RALYL: variants seen among roughly 807,000 people sequenced by gnomAD.
The protein encoded by RALYL is RALY RNA binding protein like, also known as RNA-binding Raly-like protein.
Under a neutral mutation model 35.1 loss-of-function variants are expected in RALYL, and 29 were observed. The ratio of observed to expected loss-of-function variants is 0.83; its 90% CI spans 0.61 to 1.13. RALYL has a LOEUF of 1.13. Ranked by LOEUF, RALYL falls within the 50% of genes most tolerant of loss-of-function variation. RALYL has a pLI of 0.00. For synonymous variants in RALYL, 120 were observed against 127.6 expected (o/e 0.94, Z 0.40); for missense variants, 359 against 360.4 (o/e 1.00, Z 0.03).
intron 4 of RALYL, among the ~76,000 whole-genome samples, chr8:84,845,330 T>C (rs1423564598): frequency 6.6e-6 from 1 of 152,236 alleles, no homozygotes; most frequent in African/African-American, 2.4e-5. Flanking sequence ...TCCCTTTTCT[T>C]TGCATCCTCT....
At chr8:84,523,143 T>G (rs1401211254) in intron 1 of RALYL, among the ~76,000 whole-genome samples, 1 of 152,044 alleles carries the variant, frequency 6.6e-6, no homozygotes, top group African/African-American at 2.4e-5. Flanking sequence ...GAGACTGGAA[T>G]TGATAAAGGA....
At chr8:84,665,896 T>A (rs2131728573) in intron 2 of RALYL, 1 of 152,194 alleles carries the variant, frequency 6.6e-6, no homozygotes, top group Non-Finnish European at 1.5e-5. Flanking sequence ...CCATCTAAAC[T>A]ATTTTTCATC....
At position 84,862,281 on chromosome 8, in the gene RALYL, T is replaced by C. The variant is rs529000481; in HGVS notation, c.414-15T>C. ...GCATCAAACCAACTCTCAGTCCCAT[T>C]TGTGTTTTGTAAAGGTTATTTGATT... On this transcript the variant is annotated splice_polypyrimidine_tract_variant and intron_variant, in intron 5 of 8. Coordinates refer to ENST00000521268, the MANE Select transcript of RALYL (RefSeq NM_173848.7). 4.8e-5 allele frequency: 71 copies of C among 1,492,658 alleles called. 6 individuals carry two copies. In the South Asian group the frequency reaches 9.0e-4, roughly 19 times the overall value. The allele number at this position is 1,492,658 out of a possible 1,614,324, so 92.5% of individuals were successfully genotyped here. A position where few individuals can be genotyped will look rare whatever the true frequency, so the allele number is the denominator to read the frequency against.
intron 1 of RALYL, among the ~76,000 whole-genome samples, chr8:84,475,293 C>T (rs1191629746): frequency 6.6e-6 from 1 of 151,986 alleles, no homozygotes; most frequent in Non-Finnish European, 1.5e-5. Flanking sequence ...GCTCACTGCA[C>T]CTTTGACTTC....
intron 1 of RALYL, among the ~76,000 whole-genome samples, chr8:84,187,792 A>C (rs1234001566): frequency 6.6e-6 from 1 of 152,134 alleles, no homozygotes; most frequent in African/African-American, 2.4e-5. Context: ...AAGAGCCAGT[A>C]GTAAGTATAT....
chr8:84,228,645 T>C (rs1824555625), intron 1 of RALYL, among the ~76,000 whole-genome samples: 1 of 152,212 alleles, frequency 6.6e-6, no homozygotes, highest in Admixed American at 6.5e-5. Flanking sequence ...ATGCACACTC[T>C]GTATTGGTCT....
intron 2 of RALYL, among the ~76,000 whole-genome samples, chr8:84,585,955 G>C (rs1811897724): frequency 1.3e-5 from 2 of 152,086 alleles, no homozygotes; most frequent in East Asian, 1.9e-4. Flanking sequence ...CCAGTACTTT[G>C]GGAGGCCGAG....
At chr8:84,586,067 C>T (rs1178887944) in intron 2 of RALYL, among the ~76,000 whole-genome samples, 3 of 151,852 alleles carry the variant, frequency 2.0e-5, no homozygotes. Flanking sequence ...TGGTGGCACA[C>T]ACCTGTAATC....
chr8:84,458,534 T>A (rs2050395367), intron 1 of RALYL, among the ~76,000 whole-genome samples: 1 of 151,790 alleles, frequency 6.6e-6, no homozygotes, highest in Non-Finnish European at 1.5e-5. Context: ...GTGATATGCT[T>A]TCCCCTAATT....
intron 1 of RALYL, among the ~76,000 whole-genome samples, chr8:84,235,492 G>A (rs1826309159): frequency 6.6e-6 from 1 of 152,130 alleles, no homozygotes; most frequent in Non-Finnish European, 1.5e-5. Flanking sequence ...GCTGTAATTT[G>A]TAGTCAATTT....
intron 2 of RALYL, among the ~76,000 whole-genome samples, chr8:84,650,877 G>T (rs1422670814): frequency 6.6e-6 from 1 of 152,046 alleles, no homozygotes; most frequent in Non-Finnish European, 1.5e-5. Flanking sequence ...ATACACCATG[G>T]AATACTATGC....
intron 2 of RALYL, among the ~76,000 whole-genome samples, chr8:84,598,879 G>A (rs1408004688): frequency 1.3e-5 from 2 of 152,002 alleles, no homozygotes. Flanking sequence ...AGTTTTTGGA[G>A]AAACCTCCAT....
chr8:84,791,430 T>C (rs59001482), intron 3 of RALYL, among the ~76,000 whole-genome samples: 1,738 of 152,304 alleles, frequency 0.011, 40 homozygotes, highest in African/African-American at 0.04. Context: ...CACCAAATGA[T>C]GTAAAAGCCT....
chr8:84,271,808 G>T (rs1446702422), intron 1 of RALYL, among the ~76,000 whole-genome samples: 1 of 152,138 alleles, frequency 6.6e-6, no homozygotes, highest in Non-Finnish European at 1.5e-5. Flanking sequence ...GGGACAGAAA[G>T]CAGATCTGTG....
chr8:84,220,546 T>A (rs1456171253), intron 1 of RALYL, among the ~76,000 whole-genome samples: 1 of 151,986 alleles, frequency 6.6e-6, no homozygotes, highest in Non-Finnish European at 1.5e-5. Flanking sequence ...TAAATGATAA[T>A]AAATCAAGAA....
chr8:84,816,176 G>A (rs147954083), intron 4 of RALYL, among the ~76,000 whole-genome samples: 72 of 151,872 alleles, frequency 4.7e-4, no homozygotes, highest in African/African-American at 1.5e-3. Flanking sequence ...AAACACAAAT[G>A]AGAAGGAATC....
chr8:84,402,324 A>G (rs1010708836), intron 1 of RALYL, among the ~76,000 whole-genome samples: 2 of 152,326 alleles, frequency 1.3e-5, no homozygotes, highest in Non-Finnish European at 1.5e-5. Flanking sequence ...TCACTATAAG[A>G]ACTCATTGAG....
At chr8:84,621,225 T>C (rs1291265577) in intron 2 of RALYL, among the ~76,000 whole-genome samples, 1 of 152,126 alleles carries the variant, frequency 6.6e-6, no homozygotes, top group African/African-American at 2.4e-5. Flanking sequence ...CAGACTGCCG[T>C]GCTAGCAATC....
intron 1 of RALYL, among the ~76,000 whole-genome samples, chr8:84,426,745 A>C (rs543995629): frequency 6.6e-6 from 1 of 152,216 alleles, no homozygotes; most frequent in East Asian, 1.9e-4. Context: ...GCAAATCAAA[A>C]CCACTGTGAG....
Sources: allele counts gnomAD v4.1 joint callset (sites outside exome capture counted in the v4.1 genomes callset), GRCh38; gene constraint gnomAD v4.1.1; transcripts MANE v1.5; gene names NCBI Gene and HGNC (gene_info 2026-07-23, HGNC 2026-07-21).